The following VPS45 variants were observed in gnomAD, a reference collection of about 807,000 sequenced individuals.
VPS45 encodes vacuolar protein sorting-associated protein 45.
Under a neutral mutation model 75.9 loss-of-function variants are expected in VPS45, and 35 were observed. That is an observed-to-expected ratio of 0.46 (90% CI 0.35 to 0.61). The LOEUF (loss-of-function observed/expected upper bound fraction) is 0.61. Among genes scored for constraint, VPS45 ranks in the 20% least tolerant of loss-of-function variants. The pLI is 0.00. For missense variants in VPS45, 559 were observed against 685.9 expected, an observed-to-expected ratio of 0.81 and a Z score of 2.07; for synonymous variants, 220 against 238.2, an observed-to-expected ratio of 0.92 and a Z score of 0.70.
chr1:150,124,327 C>A, intron 14 of VPS45, among the ~76,000 whole-genome samples: 1 of 151,806 alleles, frequency 6.6e-6, no homozygotes. Flanking sequence ...GACGTGGTGG[C>A]GTGCACATGT....
In VPS45 at chr1:150,115,852, C is replaced by A; in HGVS notation, c.1625+5225C>A. The stretch of plus-strand genomic sequence containing the variant: ...CTTACCGAGGCCTAAGCCTTCTTTC[C>A]TGACCCTCTGTGGCTACTAAAACAC... On this transcript the variant is annotated intron_variant, in intron 14 of 14. Coordinates refer to ENST00000644510, the MANE Select transcript of VPS45 (RefSeq NM_007259.5). Among the ~76,000 whole-genome samples the A allele has an allele frequency of 1.3e-5, 2 of 152,114 alleles. 1 individual carries two copies. The highest frequency in any genetic ancestry group is 6.4e-3 in the Middle Eastern group (2 of 314).
chr1:150,099,414 G>A (rs139450994), intron 13 of VPS45, among the ~76,000 whole-genome samples: 3,266 of 151,916 alleles, frequency 0.021, 97 homozygotes, highest in African/African-American at 0.074. Flanking sequence ...TTGGGAGGCT[G>A]AGGTAGGAGA....
chr1:150,078,618 C>T (rs1655525786), intron 7 of VPS45, among the ~76,000 whole-genome samples: 3 of 151,436 alleles, frequency 2.0e-5, no homozygotes, highest in South Asian at 2.1e-4. Context: ...AAAAATTAGC[C>T]GGGTGTGGTT....
chr1:150,077,377 TA>T lies in VPS45; in HGVS notation c.576+150del, dbSNP rs1655454179. The T allele has an allele frequency of 1.0e-5, 11 of 1,062,878 alleles. No individual in the cohort carries two copies. The South Asian group carries it at 1.7e-4, about 16-fold the overall frequency. The allele number at this position is 1,062,878 out of a possible 1,614,324, so 65.8% of individuals were successfully genotyped here. ...CGAAAAGAGGTAGGTATATGTAATT[TA>T]AAACAAAAAGCAACAATTAGAGCTA... On this transcript the variant is annotated intron_variant, in intron 6 of 14. Coordinates refer to ENST00000644510, the MANE Select transcript of VPS45 (RefSeq NM_007259.5).
Position 150,081,909 on chromosome 1 carries a change from T to A in VPS45, c.848T>A (p.Ile283Asn). The change falls in exon 9 of 15, where the codon ATT (isoleucine) becomes AAT (asparagine). Residue 283 changes from isoleucine to asparagine, a missense_variant. By Grantham distance (149) the Ile-to-Asn change is moderately radical. Coordinates refer to ENST00000644510, the MANE Select transcript of VPS45 (RefSeq NM_007259.5). ...ANNMYLNFAE[I>N]GSNIKNLMED... Reference sequence around the variant, plus strand: ...AATATGTACCTGAACTTTGCTGAGATTGGTAGCAATATAAAGAATCTCATG... The same window carrying A: ...AATATGTACCTGAACTTTGCTGAGAATGGTAGCAATATAAAGAATCTCATG... 1 of 1,613,050 alleles carries A rather than the reference T, an allele frequency of 6.2e-7. No individual in the cohort carries two copies. The highest frequency in any genetic ancestry group is 8.5e-7 in the Non-Finnish European group (1 of 1,179,464).
At chr1:150,097,681 T>C (rs587649060) in intron 13 of VPS45, among the ~76,000 whole-genome samples, 9 of 151,848 alleles carry the variant, frequency 5.9e-5, no homozygotes, top group African/African-American at 2.2e-4. Context: ...ATTATGCCAT[T>C]ACACACCAGC....
At chr1:150,068,937 A>C (rs1654876736) in intron 2 of VPS45, 173 bp downstream of exon 2, 1 of 660,310 alleles carries the variant, frequency 1.5e-6, no homozygotes, top group Non-Finnish European at 2.3e-6. Flanking sequence ...ATTTCAGTTG[A>C]CCCCTTACAG....
chr1:150,081,347 A>G lies in VPS45; in HGVS notation c.693A>G (p.Thr231=), dbSNP rs1655694712. 1.3e-6 allele frequency: 2 copies of G among 1,595,304 alleles called. No homozygotes were observed. The highest frequency in any genetic ancestry group is 1.1e-5 in the South Asian group (1 of 87,382). ...TTTCATAATTCTTTATTTAGTGGAC[A>G]TATCAGGCCATGGTCCACGAACTAC... The part of the protein sequence containing the change: ...DAITPLLNQW[T]YQAMVHELLG... The change falls in exon 8 of 15, where the codon ACA becomes ACG. Residue 231 remains threonine (T), a synonymous_variant. Coordinates refer to ENST00000644510, the MANE Select transcript of VPS45 (RefSeq NM_007259.5).
chr1:150,076,307 G>A lies in VPS45; in HGVS notation c.364G>A (p.Val122Ile). 3 of 1,605,138 alleles carry A rather than the reference G, an allele frequency of 1.9e-6. No homozygotes were observed. The highest frequency in any genetic ancestry group is 2.6e-6 in the Non-Finnish European group (3 of 1,175,104). Residue 122 changes from valine (V) to isoleucine (I), a missense_variant, in exon 4 of 15, where the codon GTT (valine) becomes ATT (isoleucine). Coordinates refer to ENST00000644510, the MANE Select transcript of VPS45 (RefSeq NM_007259.5). ...TGATGAACAGGAAGTTGTGGCTGAG[G>A]TTCAGGTAAACATATTGGTCCTGTA... Reference protein sequence around the residue: ...EADEQEVVAEVQEFYGDYIAV... With the variant: ...EADEQEVVAEIQEFYGDYIAV...
intron 13 of VPS45, among the ~76,000 whole-genome samples, chr1:150,095,011 T>C (rs782810211): frequency 1.3e-5 from 2 of 152,214 alleles, no homozygotes; most frequent in Non-Finnish European, 2.9e-5. Flanking sequence ...AGTATGCATA[T>C]AGTTAATAAT....
rs917642055 is a variant in VPS45 at position 150,093,603 on chromosome 1, A to G, written c.1448A>G (p.Lys483Arg). ...GATCATCTCATCAAAGGAAGGCTTA[A>G]GGAAAACCTATATCCTTATTTAGGC... The part of the protein sequence containing the change: ...TLDHLIKGRL[K>R]ENLYPYLGPS... The change falls in exon 13 of 15, where the codon AAG becomes AGG. Residue 483 changes from lysine to arginine, a missense_variant. By Grantham distance (26) the Lys-to-Arg change is conservative. Transcript: ENST00000644510. The G allele has an allele frequency of 1.2e-6, 2 of 1,613,898 alleles. No individual in the cohort carries two copies. Among genetic ancestry groups the G allele is most frequent in the Non-Finnish European group, 1.7e-6 (2 of 1,179,940 alleles).
Position 150,144,932 on chromosome 1 carries a change from C to G in VPS45, c.*136C>G. ...CTCATCTCCAGGTAGCCCACGGATA[C>G]GTGGTTGGCACAGACACAAGACTCC... On this transcript the variant is annotated 3_prime_UTR_variant, in exon 15 of 15. Transcript: ENST00000644510. The G allele has an allele frequency of 6.5e-7, 1 of 1,543,112 alleles. No individual in the cohort carries two copies. Among genetic ancestry groups the G allele is most frequent in the Non-Finnish European group, 8.7e-7 (1 of 1,149,046 alleles).
At chr1:150,124,716 ATT>A (rs58720904) in intron 14 of VPS45, among the ~76,000 whole-genome samples, 2 of 138,630 alleles carry the variant, frequency 1.4e-5, no homozygotes, top group Admixed American at 1.4e-4. Flanking sequence ...CACCTGGCTA[ATT>A]TTTTTTTTTT....
intron 13 of VPS45, among the ~76,000 whole-genome samples, chr1:150,102,983 ACAAACCTT>A: frequency 6.6e-6 from 1 of 152,200 alleles, no homozygotes; most frequent in Admixed American, 6.5e-5. Context: ...TGCTTATGTA[ACAAACCTT>A]CACATGTACC....
chr1:150,086,031 G>T (rs1159461847), intron 10 of VPS45, among the ~76,000 whole-genome samples: 2 of 152,032 alleles, frequency 1.3e-5, no homozygotes, highest in African/African-American at 4.8e-5. Flanking sequence ...TTCATTTGGA[G>T]AGAGGAACCA....
chr1:150,121,895 A>G (rs1553809653), intron 14 of VPS45, among the ~76,000 whole-genome samples: 2 of 152,230 alleles, frequency 1.3e-5, no homozygotes, highest in Non-Finnish European at 2.9e-5. Flanking sequence ...ATTTTATAGT[A>G]AATCAGTATG....
At chr1:150,090,290 C>CA (rs1656259150) in intron 10 of VPS45, among the ~76,000 whole-genome samples, 1 of 152,182 alleles carries the variant, frequency 6.6e-6, no homozygotes, top group African/African-American at 2.4e-5. Context: ...TGGCAAGTGT[C>CA]ACCTCTGTGA....
rs781938469 is a variant in VPS45 at position 150,083,185 on chromosome 1, G to A, written c.1104+302G>A. 1.5e-4 allele frequency: 32 copies of A among 218,706 alleles called. No individual in the cohort carries two copies. The South Asian group carries it at 4.9e-3, about 33-fold the overall frequency. 13.5% of individuals were successfully genotyped at this position (218,706 alleles called of 1,614,324 possible). A position where few individuals can be genotyped will look rare whatever the true frequency, so the allele number is the denominator to read the frequency against. Reference sequence around the variant, plus strand: ...GTTTGGTATACCACTTACAGGCTTTGTGACATGGAGCTGTTGACTTAATCT... The same window carrying A: ...GTTTGGTATACCACTTACAGGCTTTATGACATGGAGCTGTTGACTTAATCT... On this transcript the variant is annotated intron_variant, in intron 10 of 14. Transcript: ENST00000644510.
At chr1:150,122,228 G>A (rs587764626) in intron 14 of VPS45, among the ~76,000 whole-genome samples, 1 of 152,300 alleles carries the variant, frequency 6.6e-6, no homozygotes, top group South Asian at 2.1e-4. Context: ...GGCTGAGGCA[G>A]GAGAATCACT....
Sources: gnomAD v4.1 joint callset for allele counts (sites outside exome capture counted in the v4.1 genomes callset) on GRCh38, gnomAD v4.1.1 for gene constraint, MANE v1.5 for transcripts, NCBI Gene and HGNC (gene_info 2026-07-23, HGNC 2026-07-21) for gene names.